HNF4A: variants seen among roughly 807,000 people sequenced by gnomAD.
HNF4A encodes the protein hepatocyte nuclear factor 4 alpha, also known as hepatocyte nuclear factor 4-alpha.
Under a neutral mutation model 52.4 loss-of-function variants are expected in HNF4A, and 15 were observed. That is an observed-to-expected ratio of 0.29 (90% confidence interval 0.19 to 0.44). The LOEUF is 0.44. Ranked by LOEUF, HNF4A falls within the 20% of genes least tolerant of loss-of-function variation. HNF4A has a pLI of 1.00. For missense variants in HNF4A, 479 were observed against 647.2 expected (o/e 0.74, Z 2.82); for synonymous variants, 280 against 264.4 (o/e 1.06, Z -0.57).
chr20:44,389,344 T>G (rs894968408), intron 1 of HNF4A, among the ~76,000 whole-genome samples: 14 of 152,186 alleles, frequency 9.2e-5, no homozygotes, highest in Admixed American at 9.2e-4. Flanking sequence ...GGTGTAGGGT[T>G]GCCCGACACA....
rs779512030 is a variant in HNF4A at position 44,407,525 on chromosome 20, C to T, written c.385+50C>T. On this transcript the variant is annotated intron_variant, in intron 3 of 9. Transcript: ENST00000316099. ...ACCACCACTGCCCCACCTGCACCCA[C>T]AGCTCCCCGACAGTCATTTACAACT... is the stretch of plus-strand genomic sequence containing the variant. The T allele has an allele frequency of 3.6e-5, 44 of 1,235,574 alleles. No homozygotes were observed. The East Asian group carries it at 8.8e-4, about 25-fold the overall frequency. The allele number at this position is 1,235,574 out of a possible 1,614,324, so 76.5% of individuals were successfully genotyped here.
intron 1 of HNF4A, among the ~76,000 whole-genome samples, chr20:44,365,604 A>G (rs1474377991): frequency 6.6e-6 from 1 of 152,234 alleles, no homozygotes; most frequent in Non-Finnish European, 1.5e-5. Flanking sequence ...TCACTATACT[A>G]GTCTTTCAAA....
rs116253326 is a variant in HNF4A at position 44,366,994 on chromosome 20, A to C, written c.49+11141A>C. Among the ~76,000 whole-genome samples the C allele has an allele frequency of 4.8e-3, 737 of 152,260 alleles. 9 individuals carry two copies. Among genetic ancestry groups the C allele is most frequent in the African/African-American group, 0.017 (722 of 41,538 alleles). ...GTTTTCTAGCACTAGGTTGTTTTTC[A>C]TCCTTGTATAACACCATGGCCCAGG... On this transcript the variant is annotated intron_variant, in intron 1 of 9. Transcript: ENST00000316673.
intron 1 of HNF4A, among the ~76,000 whole-genome samples, chr20:44,368,646 A>G (rs1260842339): frequency 1.3e-5 from 2 of 152,124 alleles, no homozygotes; most frequent in Non-Finnish European, 2.9e-5. Context: ...AACTGCAAAA[A>G]GTTCCTTGAA....
At chr20:44,406,302 T>TC (rs2063499663) in intron 2 of HNF4A, 70 bp downstream of exon 2, 1 of 1,414,332 alleles carries the variant, frequency 7.1e-7, no homozygotes, top group African/African-American at 1.4e-5. Context: ...GTCTGTCTTC[T>TC]CCCTGAGTGG....
At chr20:44,418,639 C>A (rs749046396) in intron 6 of HNF4A, 127 bp downstream of exon 6, 67 of 721,142 alleles carry the variant, frequency 9.3e-5, no homozygotes, top group Non-Finnish European at 1.5e-4. Flanking sequence ...TGGCCCTGTC[C>A]TCAGGCTTGC....
chr20:44,421,587 C>T (rs1600737666), intron 7 of HNF4A, among the ~76,000 whole-genome samples: 1 of 151,850 alleles, frequency 6.6e-6, no homozygotes, highest in Non-Finnish European at 1.5e-5. Flanking sequence ...AACCCCGTCT[C>T]TACTAAAAAT....
chr20:44,406,057 G>C lies in HNF4A; in HGVS notation c.116-1G>C. ...CCTCACTCCCTTCTCTCCTGGCGCA[G>C]ACACGTCCCCATCAGAAGGCACCAA... On this transcript the variant is annotated splice_acceptor_variant, in intron 1 of 9. Coordinates refer to ENST00000316099, the MANE Select transcript of HNF4A (RefSeq NM_000457.6). LOFTEE classifies it high-confidence loss of function. 1 of 1,612,034 alleles carries C rather than the reference G, an allele frequency of 6.2e-7. No individual in the cohort carries two copies. Among genetic ancestry groups the C allele is most frequent in the Non-Finnish European group, 8.5e-7 (1 of 1,179,876 alleles).
Position 44,429,767 on chromosome 20 carries a change from C to T in HNF4A, c.*102C>T. ...GCAAAGGAAGACGTGATGCCAGGAC[C>T]AGTCCCAGAGCAGGAATGGGAAGGA... is the stretch of plus-strand genomic sequence containing the variant. On this transcript the variant is annotated 3_prime_UTR_variant, in exon 10 of 10. Transcript: ENST00000316099. 2 of 1,234,080 alleles carry T rather than the reference C, an allele frequency of 1.6e-6. No homozygotes were observed. The allele number at this position is 1,234,080 out of a possible 1,614,324, so 76.4% of individuals were successfully genotyped here. A position where few individuals can be genotyped will look rare whatever the true frequency, so the allele number is the denominator to read the frequency against.
rs2063517743 is a variant in HNF4A, at chr20:44,407,478, G to A, written c.385+3G>A. 2 of 1,586,346 alleles carry A rather than the reference G, an allele frequency of 1.3e-6. No individual in the cohort carries two copies. The highest frequency in any genetic ancestry group is 1.7e-6 in the Non-Finnish European group (2 of 1,164,062). ...CCGGGCTGGCATGAAGAAGGAAGGT[G>A]AGCCTCGGCCCTCCCCGCCCCACCA... On this transcript the variant is annotated splice_donor_region_variant and intron_variant, in intron 3 of 9. Coordinates refer to ENST00000316099, the MANE Select transcript of HNF4A (RefSeq NM_000457.6).
intron 3 of HNF4A, among the ~76,000 whole-genome samples, chr20:44,413,360 G>A (rs180880767): frequency 8.7e-4 from 132 of 152,234 alleles, no homozygotes; most frequent in African/African-American, 3.0e-3. Flanking sequence ...CCCTTTTGTA[G>A]ACCAGAGCTT....
intron 1 of HNF4A, among the ~76,000 whole-genome samples, chr20:44,404,304 C>A (rs1002775024): frequency 1.3e-5 from 2 of 152,106 alleles, no homozygotes; most frequent in Non-Finnish European, 2.9e-5. Flanking sequence ...GAGAAGTAAA[C>A]GAACACAGTC....
chr20:44,405,911 G>A (rs1037336641), intron 1 of HNF4A, 147 bp from the exon 2 acceptor site: 1 of 781,644 alleles, frequency 1.3e-6, no homozygotes, highest in African/African-American at 1.7e-5. Context: ...CAAAAAGTCA[G>A]GAGGTCACTG....
At chr20:44,392,242 T>TGGCA (rs1435279800) in intron 1 of HNF4A, 1 of 151,994 alleles carries the variant, frequency 6.6e-6, no homozygotes, top group Non-Finnish European at 1.5e-5. Context: ...CTCATTTAAT[T>TGGCA]GGCATTTTGA....
In HNF4A at chr20:44,373,723, G is replaced by T. The variant is rs150050184; in HGVS notation, c.49+17870G>T. Among the ~76,000 whole-genome samples, 452 of 151,698 alleles carry T rather than the reference G, an allele frequency of 3.0e-3. 5 individuals are homozygous for T. Among genetic ancestry groups the T allele is most frequent in the African/African-American group, 0.01 (425 of 41,332 alleles). ...TTTTAGTTTTTTCAGAGACAGTCTTGCTCCATTGCCCAGGCTAGAATAATG... is the reference window on the plus strand; with the variant it reads ...TTTTAGTTTTTTCAGAGACAGTCTTTCTCCATTGCCCAGGCTAGAATAATG... On this transcript the variant is annotated intron_variant, in intron 1 of 9. Coordinates refer to the HNF4A transcript ENST00000316673.
chr20:44,417,463 G>A (rs557070335), intron 5 of HNF4A, among the ~76,000 whole-genome samples: 1 of 152,142 alleles, frequency 6.6e-6, no homozygotes, highest in Non-Finnish European at 1.5e-5. Context: ...GCTCTGAGAA[G>A]GACCAGCCCT....
rs11477724 is a variant in HNF4A, at chr20:44,381,279, C to CT, written c.50-24760dup. 5.5e-3 allele frequency among the ~76,000 whole-genome samples: 607 copies of CT among 110,064 alleles called. 15 individuals carry two copies. Among genetic ancestry groups the CT allele is most frequent in the African/African-American group, 0.018 (514 of 28,050 alleles). 72.2% of individuals were successfully genotyped at this position (110,064 alleles called of 152,430 possible). On this transcript the variant is annotated intron_variant, in intron 1 of 9. Coordinates refer to the HNF4A transcript ENST00000316673. Reference sequence around the variant, plus strand: ...CTGAAGCTGTAGGAATCAGTGAGAGCTTTTTTTTTTTTTTTTTTTGAGACA... The same window carrying CT: ...CTGAAGCTGTAGGAATCAGTGAGAGCTTTTTTTTTTTTTTTTTTTTGAGACA...
chr20:44,368,435 G>A (rs2062996508), intron 1 of HNF4A, among the ~76,000 whole-genome samples: 1 of 151,736 alleles, frequency 6.6e-6, no homozygotes, highest in Non-Finnish European at 1.5e-5. Context: ...CCAAAGTGCT[G>A]GGATTATAAG....
At chr20:44,364,006 A>G (rs2062944660) in intron 1 of HNF4A, among the ~76,000 whole-genome samples, 1 of 151,914 alleles carries the variant, frequency 6.6e-6, no homozygotes, top group South Asian at 2.1e-4. Flanking sequence ...TCCTCTTTTG[A>G]GAAATGGAGG....
Sources: allele counts gnomAD v4.1 joint callset (sites outside exome capture counted in the v4.1 genomes callset), GRCh38; gene constraint gnomAD v4.1.1; transcripts MANE v1.5; gene names NCBI Gene and HGNC (gene_info 2026-07-23, HGNC 2026-07-21).